Variants in RBPJL observed in about 807,000 individuals in gnomAD.
The protein encoded by RBPJL is recombining binding protein suppressor of hairless-like protein.
RBPJL carries 50 observed loss-of-function variants against 57.6 expected under a neutral mutation model. The observed-to-expected ratio is 0.87, with a 90% CI of 0.69 to 1.10. The LOEUF (loss-of-function observed/expected upper bound fraction) is 1.10. RBPJL is among the 50% of genes least tolerant of loss of function. The probability of loss-of-function intolerance (pLI) is 0.00; values close to 1 mark genes in which losing one functional copy is unlikely to be tolerated. For synonymous variants in RBPJL, 303 were observed against 294.4 expected (o/e 1.03, Z -0.30); for missense variants, 684 against 693.7 (o/e 0.99, Z 0.16).
At position 45,316,511 on chromosome 20, in the gene RBPJL, T is replaced by A. The variant is rs549755728; in HGVS notation, c.1211T>A (p.Leu404His). ...SGGGDVATLE[L>H]HGENFHAGLK... ...GGGGGCGACGTGGCCACGCTGGAGC[T>A]CCACGGAGAGAACTTCCACGCGGGG... Residue 404 changes from leucine (L) to histidine (H), a missense_variant, in exon 11 of 12, where the codon CTC becomes CAC. Coordinates refer to ENST00000343694, the MANE Select transcript of RBPJL (RefSeq NM_014276.4). 6.5e-7 allele frequency: 1 copy of A among 1,542,678 alleles called. No homozygotes were observed. The highest frequency in any genetic ancestry group is 8.7e-7 in the Non-Finnish European group (1 of 1,144,584).
intron 3 of RBPJL, among the ~76,000 whole-genome samples, chr20:45,311,116 C>CAAAAA (rs34206228): frequency 5.5e-5 from 5 of 91,532 alleles, no homozygotes; most frequent in African/African-American, 1.9e-4. Flanking sequence ...GACCCTGCCT[C>CAAAAA]AAAAAAAAAA....
intron 9 of RBPJL, among the ~76,000 whole-genome samples, chr20:45,315,716 G>A (rs1987416188): frequency 6.7e-6 from 1 of 150,042 alleles, no homozygotes; most frequent in East Asian, 1.9e-4. Context: ...ACTCCAGCCT[G>A]GGCGACAGAG....
chr20:45,311,864 C>T lies in RBPJL; in HGVS notation c.354C>T (p.Pro118=). 1.3e-6 allele frequency: 2 copies of T among 1,551,774 alleles called. No individual in the cohort carries two copies. Among genetic ancestry groups the T allele is most frequent in the Non-Finnish European group, 1.7e-6 (2 of 1,147,034 alleles). Residue 118 remains proline, a synonymous_variant, in exon 5 of 12, where the codon CCC becomes CCT. Transcript: ENST00000343694. The part of the protein sequence containing the change: ...DQAHQAGETG[P]TVCGYMGLDS... Reference sequence around the variant, plus strand: ...CTCACCAGGCGGGGGAAACGGGGCCCACGGTCTGCGGTTACATGGGACTGG... The same window carrying T: ...CTCACCAGGCGGGGGAAACGGGGCCTACGGTCTGCGGTTACATGGGACTGG...
At position 45,309,627 on chromosome 20, in the gene RBPJL, G is replaced by A. The variant is rs1292014588; in HGVS notation, c.192G>A (p.Gln64=). Residue 64 remains glutamine, a synonymous_variant, in exon 3 of 12, where the codon CAG becomes CAA. Transcript: ENST00000343694. ...GCGTGCGCAGGTGCCTGCAGCAACAGTGTGAACAGACTGTGCGGATCCTGC... is the reference window on the plus strand; with the variant it reads ...GCGTGCGCAGGTGCCTGCAGCAACAATGTGAACAGACTGTGCGGATCCTGC... ...RGGVRRCLQQ[Q]CEQTVRILHA... 1 of 1,613,614 alleles carries A rather than the reference G, an allele frequency of 6.2e-7. No individual in the cohort carries two copies. Among genetic ancestry groups the A allele is most frequent in the Admixed American group, 1.7e-5 (1 of 59,964 alleles).
chr20:45,312,827 C>CAAAAAAA lies in RBPJL; in HGVS notation c.619+445_619+451dup, dbSNP rs749039599. On this transcript the variant is annotated intron_variant, in intron 6 of 11. Transcript: ENST00000343694. ...CAACATGGCGAAATCTTGTCTGTAC[C>CAAAAAAA]AAAAAAAAAAAAAAAAAAAGAAAAA... 1.3e-4 allele frequency among the ~76,000 whole-genome samples: 11 copies of CAAAAAAA among 84,728 alleles called. 1 individual carries two copies. The highest frequency in any genetic ancestry group is 0.015 in the Middle Eastern group (2 of 136). 55.6% of individuals were successfully genotyped at this position (84,728 alleles called of 152,430 possible).
At chr20:45,312,176 GGGGA>G in intron 5 of RBPJL, 41 bp from the exon 6 acceptor site, 1 of 1,613,092 alleles carries the variant, frequency 6.2e-7, no homozygotes, top group Non-Finnish European at 8.5e-7. Flanking sequence ...TCATCCGACG[GGGGA>G]GGGCTGGGAT....
At chr20:45,310,582 G>A (rs1252918995) in intron 3 of RBPJL, among the ~76,000 whole-genome samples, 1 of 151,850 alleles carries the variant, frequency 6.6e-6, no homozygotes, top group Non-Finnish European at 1.5e-5. Flanking sequence ...ACTCCAGCCT[G>A]GCGACAGAGC....
intron 9 of RBPJL, 151 bp downstream of exon 9, chr20:45,314,716 T>C (rs1204295318): frequency 2.9e-6 from 2 of 687,684 alleles, no homozygotes; most frequent in East Asian, 2.7e-5. Flanking sequence ...GACAGAATCA[T>C]AGGATGTAGA....
At position 45,316,774 on chromosome 20, in the gene RBPJL, A is replaced by G. The variant is rs1245393684; in HGVS notation, c.1369A>G (p.Met457Val). 1 of 1,613,742 alleles carries G rather than the reference A, an allele frequency of 6.2e-7. No homozygotes were observed. Residue 457 changes from methionine (M) to valine (V), a missense_variant, in exon 12 of 12, where the codon ATG becomes GTG. Physicochemically the swap from Met to Val is conservative, Grantham distance 21. Coordinates refer to ENST00000343694, the MANE Select transcript of RBPJL (RefSeq NM_014276.4). ...RWLRAPITIPMSLVRADGLFY... is the reference protein window; with the variant it reads ...RWLRAPITIPVSLVRADGLFY... ...GCTGCGCGCTCCCATCACAATCCCC[A>G]TGAGCCTGGTGCGCGCCGACGGGCT...
rs1255394462 is a variant in RBPJL, at chr20:45,317,629, T to C, written c.*670T>C. The C allele has an allele frequency of 1.3e-5, 2 of 152,332 alleles. No individual in the cohort carries two copies. Among genetic ancestry groups the C allele is most frequent in the Admixed American group, 1.3e-4 (2 of 15,282 alleles). The allele number at this position is 152,332 out of a possible 1,614,324, so 9.4% of individuals were successfully genotyped here. ...GACCTGCTCCTCCCGAGACTCTCTC[T>C]GACTGCAGCCAGGCATAGTACCTTT... On this transcript the variant is annotated 3_prime_UTR_variant, in exon 12 of 12. Coordinates refer to ENST00000343694, the MANE Select transcript of RBPJL (RefSeq NM_014276.4).
Position 45,308,226 on chromosome 20 carries a change from C to T in RBPJL, c.106C>T (p.Arg36Trp). The T allele has an allele frequency of 1.9e-6, 3 of 1,613,684 alleles. No individual in the cohort carries two copies. The highest frequency in any genetic ancestry group is 2.5e-6 in the Non-Finnish European group (3 of 1,179,584). Residue 36 changes from arginine to tryptophan, a missense_variant, in exon 2 of 12, where the codon CGG (arginine) becomes TGG (tryptophan). Physicochemically the swap from Arg to Trp is moderately radical, Grantham distance 101. Coordinates refer to ENST00000343694, the MANE Select transcript of RBPJL (RefSeq NM_014276.4). ...GCAGCTGCAGAGCGAAGCCGACAGG[C>T]GGAGCCTCCCGGGCACTTGGACCAG... ...EMQLQSEADR[R>W]SLPGTWTRSS...
In RBPJL at chr20:45,316,579, A is replaced by G; in HGVS notation, c.1279A>G (p.Arg427Gly). 1 of 1,522,892 alleles carries G rather than the reference A, an allele frequency of 6.6e-7. No homozygotes were observed. Among genetic ancestry groups the G allele is most frequent in the Non-Finnish European group, 8.8e-7 (1 of 1,134,200 alleles). The allele number at this position is 1,522,892 out of a possible 1,614,324, so 94.3% of individuals were successfully genotyped here. A position where few individuals can be genotyped will look rare whatever the true frequency, so the allele number is the denominator to read the frequency against. Reference protein sequence around the residue: ...FGDVEAETMYRSPRSLVCVVP... With the variant: ...FGDVEAETMYGSPRSLVCVVP... ...GGACGTGGAGGCAGAAACCATGTAC[A>G]GGTACGGGGTGGTGAGGCAGCCTCT... The change falls in exon 11 of 12, where the codon AGG (arginine) becomes GGG (glycine). Residue 427 changes from arginine to glycine, a missense_variant and splice_region_variant. Coordinates refer to ENST00000343694, the MANE Select transcript of RBPJL (RefSeq NM_014276.4).
chr20:45,314,492 A>G lies in RBPJL; in HGVS notation c.947A>G (p.Gln316Arg). 1 of 1,614,202 alleles carries G rather than the reference A, an allele frequency of 6.2e-7. No individual in the cohort carries two copies. Among genetic ancestry groups the G allele is most frequent in the Non-Finnish European group, 8.5e-7 (1 of 1,180,018 alleles). The change falls in exon 9 of 12, where the codon CAG (glutamine) becomes CGG (arginine). Residue 316 changes from glutamine to arginine, a missense_variant. Gln to Arg is a conservative substitution (Grantham distance 43, BLOSUM62 1). Transcript: ENST00000343694. ...PISQLHKCAF[Q>R]FPGSPPGGGG... The stretch of plus-strand genomic sequence containing the variant: ...TCCCAGCTGCACAAGTGTGCATTCC[A>G]GTTTCCAGGCAGTCCCCCAGGAGGG...
At chr20:45,313,399 C>T (rs963799602) in intron 6 of RBPJL, 69 bp from the exon 7 acceptor site, 1 of 1,381,132 alleles carries the variant, frequency 7.2e-7, no homozygotes, top group African/African-American at 1.4e-5. Flanking sequence ...CAATCCTAAC[C>T]CTAACCCTAT....
intron 8 of RBPJL, 54 bp from the exon 9 acceptor site, chr20:45,314,359 C>T (rs533291711): frequency 6.3e-7 from 1 of 1,585,942 alleles, no homozygotes; most frequent in South Asian, 1.1e-5. Flanking sequence ...GGAGGGCAGC[C>T]TCTGGACGCC....
intron 5 of RBPJL, 33 bp downstream of exon 5, chr20:45,311,987 C>A: frequency 6.7e-7 from 1 of 1,493,364 alleles, no homozygotes; most frequent in Non-Finnish European, 9.1e-7. Context: ...CCGATTCCTG[C>A]TCCCATCCCT....
At chr20:45,312,431 G>C (rs1305755884) in intron 6 of RBPJL, 36 bp downstream of exon 6, 3 of 1,593,534 alleles carry the variant, frequency 1.9e-6, no homozygotes, top group Non-Finnish European at 2.6e-6. Context: ...GGCCCGGGCG[G>C]GGAGGTGCAA....
intron 6 of RBPJL, among the ~76,000 whole-genome samples, 166 bp downstream of exon 6, chr20:45,312,561 C>T (rs1297164837): frequency 3.7e-4 from 56 of 151,700 alleles, no homozygotes; most frequent in Non-Finnish European, 1.5e-5. Context: ...TGGGTGCGGC[C>T]CAGGCCTGGG....
In RBPJL at chr20:45,316,988, CT is replaced by C. The variant is rs775956017; in HGVS notation, c.*30del. On this transcript the variant is annotated 3_prime_UTR_variant, in exon 12 of 12. Transcript: ENST00000343694. ...CGCCCGGTAGCCCCGGCTGCCCACC[CT>C]GGAGGGCTGCGCCCGCGCCAGGCGC... 4 of 1,595,422 alleles carry C rather than the reference CT, an allele frequency of 2.5e-6. No individual in the cohort carries two copies. In the Admixed American group the frequency reaches 6.9e-5, roughly 27 times the overall value.
Sources: allele counts gnomAD v4.1 joint callset (sites outside exome capture counted in the v4.1 genomes callset), GRCh38; gene constraint gnomAD v4.1.1; transcripts MANE v1.5; gene names NCBI Gene and HGNC (gene_info 2026-07-23, HGNC 2026-07-21).